Variants in ZDHHC15 observed in about 807,000 individuals in gnomAD.
ZDHHC15 encodes zDHHC palmitoyltransferase 15, also known as palmitoyltransferase ZDHHC15.
ZDHHC15 carries 19 observed loss-of-function variants against 31.7 expected under a neutral mutation model. That is an observed-to-expected ratio of 0.60 (90% CI 0.42 to 0.88). The LOEUF is 0.88. Ranked by LOEUF, ZDHHC15 falls within the 40% of genes least tolerant of loss-of-function variation. The pLI, the probability that ZDHHC15 is intolerant of heterozygous loss-of-function variation, is 0.00. For missense variants in ZDHHC15, 209 were observed against 251.2 expected (o/e 0.83, Z 1.14); for synonymous variants, 103 against 90.0 (o/e 1.14, Z -0.82).
intron 3 of ZDHHC15, among the ~76,000 whole-genome samples, chrX:75,475,807 T>C (rs1402172017): frequency 8.9e-6 from 1 of 112,221 alleles, no homozygotes; most frequent in Non-Finnish European, 1.9e-5. Context: ...TTGATTTGGA[T>C]AGTATTTACG....
At chrX:75,444,640 GTATATATATATATATATATATATATA>G (rs760429265) in intron 4 of ZDHHC15, among the ~76,000 whole-genome samples, 4 of 22,729 alleles carry the variant, frequency 1.8e-4, no homozygotes, top group South Asian at 5.4e-3. Flanking sequence ...AAGCAACACT[GTATATATATATATATATATATATATA>G]TATATATATA....
At chrX:75,467,856 G>A (rs4892587) in intron 3 of ZDHHC15, among the ~76,000 whole-genome samples, 3 of 110,230 alleles carry the variant, frequency 2.7e-5, no homozygotes, top group Non-Finnish European at 5.7e-5. Context: ...AGTTCCAGAA[G>A]AGTTTCATCT....
chrX:75,472,744 G>A (rs976967727), intron 3 of ZDHHC15, among the ~76,000 whole-genome samples: 3 of 111,760 alleles, frequency 2.7e-5, no homozygotes, highest in African/African-American at 9.8e-5. Flanking sequence ...AAGTGGCTGT[G>A]GTGGCAAGGA....
At chrX:75,444,228 A>T (rs1434326473) in intron 4 of ZDHHC15, among the ~76,000 whole-genome samples, 1 of 110,444 alleles carries the variant, frequency 9.1e-6, no homozygotes, top group Non-Finnish European at 1.9e-5. Context: ...CAAATGTCCA[A>T]CAATGATAGA....
chrX:75,379,255 A>T (rs1179742615), intron 10 of ZDHHC15, 57 bp from the exon 11 acceptor site: 1 of 1,150,926 alleles, frequency 8.7e-7, no homozygotes, highest in Non-Finnish European at 1.2e-6. Flanking sequence ...ATGGGTGGGT[A>T]TTCATTCACT....
At chrX:75,464,193 C>G (rs998412618) in intron 3 of ZDHHC15, among the ~76,000 whole-genome samples, 1 of 110,934 alleles carries the variant, frequency 9.0e-6, no homozygotes, top group African/African-American at 3.3e-5. Context: ...GGAGAAAACA[C>G]CAAACACCGC....
intron 4 of ZDHHC15, among the ~76,000 whole-genome samples, chrX:75,442,858 C>T (rs759173445): frequency 2.2e-4 from 24 of 107,561 alleles, no homozygotes; most frequent in African/African-American, 4.7e-4. Flanking sequence ...CGGTGGCGGG[C>T]GCCTGTAGTC....
chrX:75,371,727 T>G lies in ZDHHC15; in HGVS notation c.*1251A>C, dbSNP rs991224371. 7 of 111,496 alleles carry G rather than the reference T, an allele frequency of 6.3e-5. No homozygotes were observed. The highest frequency in any genetic ancestry group is 1.1e-4 in the Non-Finnish European group (6 of 53,098). 9.2% of individuals were successfully genotyped at this position (111,496 alleles called of 1,213,427 possible). On this transcript the variant is annotated 3_prime_UTR_variant, in exon 12 of 12. Transcript: ENST00000373367. Reference sequence around the variant, plus strand: ...AGCAGCTGGGCACTAGACTGCTGGATGAAAAAATGAAAGATATCAATACTC... The same window carrying G: ...AGCAGCTGGGCACTAGACTGCTGGAGGAAAAAATGAAAGATATCAATACTC...
chrX:75,493,755 G>A lies in ZDHHC15; in HGVS notation c.163+12066C>T, dbSNP rs928408925. Among the ~76,000 whole-genome samples, 3 of 111,781 alleles carry A rather than the reference G, an allele frequency of 2.7e-5. No homozygotes were observed. The East Asian group carries it at 8.4e-4, about 31-fold the overall frequency. ...CAGCCCTTCATGCTAAAAACTCTCAGTAAATTAGGTATTGATGGGACGTAT... is the reference window on the plus strand; with the variant it reads ...CAGCCCTTCATGCTAAAAACTCTCAATAAATTAGGTATTGATGGGACGTAT... On this transcript the variant is annotated intron_variant, in intron 2 of 11. Coordinates refer to ENST00000373367, the MANE Select transcript of ZDHHC15 (RefSeq NM_144969.3).
At chrX:75,442,199 TG>T (rs1172276813) in intron 4 of ZDHHC15, among the ~76,000 whole-genome samples, 1 of 111,787 alleles carries the variant, frequency 8.9e-6, no homozygotes, top group Non-Finnish European at 1.9e-5. Flanking sequence ...TCTTCCCCAG[TG>T]GGGGTGGGCT....
At chrX:75,416,511 T>C (rs1228424734) in intron 10 of ZDHHC15, among the ~76,000 whole-genome samples, 1 of 112,134 alleles carries the variant, frequency 8.9e-6, no homozygotes, top group Non-Finnish European at 1.9e-5. Context: ...ATATGAGAAC[T>C]CAACTTTTAG....
intron 9 of ZDHHC15, among the ~76,000 whole-genome samples, chrX:75,421,179 G>A (rs1005290570): frequency 2.9e-4 from 28 of 96,870 alleles, no homozygotes; most frequent in Non-Finnish European, 3.9e-4. Flanking sequence ...TGAATTTTTC[G>A]TTTTTCACTT....
At chrX:75,384,521 G>T in intron 10 of ZDHHC15, 1 of 793,480 alleles carries the variant, frequency 1.3e-6, no homozygotes, top group Non-Finnish European at 1.9e-6. Context: ...TGTTACCATG[G>T]CAAAACTGGA....
At chrX:75,518,486 C>G (rs762981168) in intron 1 of ZDHHC15, among the ~76,000 whole-genome samples, 1 of 108,857 alleles carries the variant, frequency 9.2e-6, no homozygotes, top group African/African-American at 3.3e-5. Context: ...AATAACAAGT[C>G]TTGGTGAGAA....
chrX:75,493,518 A>G (rs2084935914), intron 2 of ZDHHC15, among the ~76,000 whole-genome samples: 1 of 111,993 alleles, frequency 8.9e-6, no homozygotes, highest in South Asian at 3.8e-4. Context: ...ATGAACATCC[A>G]TGCAAAAATC....
intron 11 of ZDHHC15, among the ~76,000 whole-genome samples, chrX:75,373,310 C>G (rs1432672500): frequency 9.0e-6 from 1 of 111,183 alleles, no homozygotes; most frequent in African/African-American, 3.3e-5. Flanking sequence ...ATGGAAATAA[C>G]AAGAGCTTTG....
intron 2 of ZDHHC15, chrX:75,501,979 A>ATT (rs1161238789): frequency 9.0e-6 from 1 of 111,485 alleles, no homozygotes; most frequent in African/African-American, 3.3e-5. Flanking sequence ...CCATTTGCCA[A>ATT]TTTTTGCTTT....
At position 75,369,512 on chromosome X, in the gene ZDHHC15, G is replaced by A. The variant is rs933566461; in HGVS notation, c.*3466C>T. On this transcript the variant is annotated 3_prime_UTR_variant, in exon 12 of 12. Coordinates refer to ENST00000373367, the MANE Select transcript of ZDHHC15 (RefSeq NM_144969.3). ...CTTAAAACTTACTTGCTAGGATTGT[G>A]CTTAAATCTCCATTAACCTCAATGT... The A allele has an allele frequency of 2.7e-5, 3 of 111,586 alleles. No individual in the cohort carries two copies. Among genetic ancestry groups the A allele is most frequent in the African/African-American group, 9.8e-5 (3 of 30,641 alleles). The allele number at this position is 111,586 out of a possible 1,213,427, so 9.2% of individuals were successfully genotyped here. A position where few individuals can be genotyped will look rare whatever the true frequency, so the allele number is the denominator to read the frequency against.
At chrX:75,475,989 C>CT (rs1207825902) in intron 3 of ZDHHC15, among the ~76,000 whole-genome samples, 6 of 110,964 alleles carry the variant, frequency 5.4e-5, no homozygotes, top group Non-Finnish European at 1.1e-4. Flanking sequence ...AATGAAATTG[C>CT]TTTTTTAGTT....
Sources: gnomAD v4.1 joint callset for allele counts (sites outside exome capture counted in the v4.1 genomes callset) on GRCh38, gnomAD v4.1.1 for gene constraint, MANE v1.5 for transcripts, NCBI Gene and HGNC (gene_info 2026-07-23, HGNC 2026-07-21) for gene names.